MYO6: variants seen among roughly 807,000 people sequenced by gnomAD.
The protein encoded by MYO6 is unconventional myosin-VI.
A neutral mutation model predicts 178.7 loss-of-function variants in MYO6; 74 were observed. The observed-to-expected ratio is 0.41, with a 90% CI of 0.34 to 0.50. MYO6 has a LOEUF of 0.50. Ranked by LOEUF, MYO6 falls within the 20% of genes least tolerant of loss-of-function variation. MYO6 has a pLI of 0.09. For missense variants in MYO6, 1,330 were observed against 1,547.4 expected (o/e 0.86, Z 2.36); for synonymous variants, 477 against 504.6 (o/e 0.95, Z 0.73).
intron 23 of MYO6, among the ~76,000 whole-genome samples, chr6:75,882,494 T>C (rs1204620574): frequency 6.6e-6 from 1 of 152,184 alleles, no homozygotes; most frequent in African/African-American, 2.4e-5. Flanking sequence ...CATCCCCTCT[T>C]AAATCCTGTT....
At chr6:75,892,801 T>G in intron 28 of MYO6, 111 bp downstream of exon 28, 1 of 1,092,408 alleles carries the variant, frequency 9.2e-7, no homozygotes, top group Non-Finnish European at 1.3e-6. Context: ...CTGAAGGCCC[T>G]GATATATTTG....
At chr6:75,893,465 C>T (rs955818596) in intron 28 of MYO6, among the ~76,000 whole-genome samples, 14 of 152,040 alleles carry the variant, frequency 9.2e-5, no homozygotes, top group South Asian at 4.1e-4. Context: ...CATGCTTTTC[C>T]GAGCTTAAAA....
At chr6:75,819,047 A>G (rs954992787) in intron 2 of MYO6, among the ~76,000 whole-genome samples, 15 of 152,204 alleles carry the variant, frequency 9.9e-5, no homozygotes, top group Non-Finnish European at 4.4e-5. Context: ...ATTCAGTTCA[A>G]TTATAGAAGA....
chr6:75,811,606 G>A (rs977772179), intron 1 of MYO6, among the ~76,000 whole-genome samples: 2 of 152,112 alleles, frequency 1.3e-5, no homozygotes, highest in Admixed American at 6.6e-5. Context: ...GACTTTGGGA[G>A]TTTTGCTTTG....
chr6:75,885,148 T>C (rs1778332024), intron 23 of MYO6, among the ~76,000 whole-genome samples: 1 of 152,252 alleles, frequency 6.6e-6, no homozygotes, highest in Non-Finnish European at 1.5e-5. Context: ...GTCAGATCTC[T>C]TTTACATAAT....
chr6:75,799,627 A>T (rs1025446768), intron 1 of MYO6, among the ~76,000 whole-genome samples: 6 of 152,052 alleles, frequency 3.9e-5, no homozygotes, highest in African/African-American at 9.6e-5. Flanking sequence ...TTCCCTTTGA[A>T]TTTACTTACT....
chr6:75,786,322 C>A (rs1477932919), intron 1 of MYO6, among the ~76,000 whole-genome samples: 1 of 152,138 alleles, frequency 6.6e-6, no homozygotes, highest in East Asian at 1.9e-4. Flanking sequence ...TATAGTAAAT[C>A]TTTTCTTCCT....
At chr6:75,805,301 G>A (rs188162641) in intron 1 of MYO6, among the ~76,000 whole-genome samples, 177 of 151,910 alleles carry the variant, frequency 1.2e-3, no homozygotes, top group African/African-American at 4.2e-3. Context: ...CACAGTGCCC[G>A]GCCTTAACCT....
At chr6:75,899,646 G>T (rs1420635477) in intron 30 of MYO6, among the ~76,000 whole-genome samples, 2 of 149,570 alleles carry the variant, frequency 1.3e-5, no homozygotes, top group African/African-American at 4.9e-5. Context: ...CTGCAACAAA[G>T]CTAAAACAGA....
At chr6:75,829,864 C>T (rs1772898220) in intron 4 of MYO6, among the ~76,000 whole-genome samples, 1 of 152,130 alleles carries the variant, frequency 6.6e-6, no homozygotes, top group Non-Finnish European at 1.5e-5. Flanking sequence ...AAATCTGGGA[C>T]CAAATGGTCA....
At chr6:75,912,832 G>A (rs1780862643) in intron 33 of MYO6, among the ~76,000 whole-genome samples, 1 of 152,092 alleles carries the variant, frequency 6.6e-6, no homozygotes, top group African/African-American at 2.4e-5. Context: ...AATATGTGAT[G>A]CAGCTTTTAA....
chr6:75,817,356 A>C, intron 1 of MYO6, 145 bp from the exon 2 acceptor site: 1 of 595,552 alleles, frequency 1.7e-6, no homozygotes, highest in Non-Finnish European at 3.0e-6. Flanking sequence ...GCAAGAGGCA[A>C]GGGAGGAGGT....
intron 2 of MYO6, among the ~76,000 whole-genome samples, chr6:75,819,715 A>G (rs1308618904): frequency 6.6e-6 from 1 of 152,272 alleles, no homozygotes; most frequent in Non-Finnish European, 1.5e-5. Context: ...TTCTTAGCAC[A>G]TGCTATGCAT....
chr6:75,903,222 T>G (rs919895109), intron 30 of MYO6, among the ~76,000 whole-genome samples: 6 of 151,756 alleles, frequency 4.0e-5, no homozygotes, highest in African/African-American at 1.4e-4. Context: ...GGTGGAGAGT[T>G]CTGTAGATGT....
At position 75,803,611 on chromosome 6, in the gene MYO6, G is replaced by GA. The variant is rs200647214; in HGVS notation, c.-47-13881dup. 6.1e-4 allele frequency among the ~76,000 whole-genome samples: 92 copies of GA among 150,520 alleles called. No homozygotes were observed. The East Asian group carries it at 0.016, about 27-fold the overall frequency. ...AGCAGGTGCTCAGTAAATATTCATT[G>GA]AAAAAAAAATCAAAATTACTTCTTA... On this transcript the variant is annotated intron_variant, in intron 1 of 34. Transcript: ENST00000369977.
intron 31 of MYO6, 109 bp from the exon 32 acceptor site, chr6:75,908,387 T>C (rs1204055362): frequency 9.7e-7 from 1 of 1,029,610 alleles, no homozygotes; most frequent in Non-Finnish European, 1.4e-6. Context: ...TTTTGTACCA[T>C]TAATTTAAAA....
rs78549856 is a variant in MYO6, at chr6:75,842,502, C to G, written c.816+1124C>G. ...TGTGTGCGTGTGTGTTTGCAGACAG[C>G]TTTTCTTTTACTTCAATTTCTTTTA... On this transcript the variant is annotated intron_variant, in intron 9 of 34. Transcript: ENST00000369977. Among the ~76,000 whole-genome samples the G allele has an allele frequency of 3.1e-3, 468 of 152,222 alleles. 5 individuals carry two copies. The highest frequency in any genetic ancestry group is 0.011 in the African/African-American group (444 of 41,536).
At position 75,890,224 on chromosome 6, in the gene MYO6, A is replaced by C. The variant is rs1393291765; in HGVS notation, c.2826A>C (p.Glu942Asp). The change falls in exon 26 of 35, where the codon GAA becomes GAC. Residue 942 changes from glutamate (E) to aspartate (D), a missense_variant. Around this residue, in one of 3 missense-constraint regions of MYO6, gnomAD observed 601 missense variants for 626.1 expected, o/e 0.96. Transcript: ENST00000369977. ...AAAAGGAAAGAAAAAGACGTGAAGA[A>C]GACGAAAAACGTCGAAGAAAGGAAG... The part of the protein sequence containing the change: ...EMEKERKRRE[E>D]DEKRRRKEEE... 1 of 1,612,668 alleles carries C rather than the reference A, an allele frequency of 6.2e-7. No individual in the cohort carries two copies. Among genetic ancestry groups the C allele is most frequent in the Non-Finnish European group, 8.5e-7 (1 of 1,178,670 alleles).
At chr6:75,896,894 T>A (rs1051069382) in intron 29 of MYO6, among the ~76,000 whole-genome samples, 3 of 152,258 alleles carry the variant, frequency 2.0e-5, no homozygotes, top group African/African-American at 7.2e-5. Context: ...AAGGTGAAAT[T>A]ATATTTGCAT....
Sources: allele counts gnomAD v4.1 joint callset (sites outside exome capture counted in the v4.1 genomes callset), GRCh38; gene constraint gnomAD v4.1.1; regional missense constraint gnomAD v4.1.1; transcripts MANE v1.5; gene names NCBI Gene and HGNC (gene_info 2026-07-23, HGNC 2026-07-21).